Variants in KCNIP4 observed in about 807,000 individuals in gnomAD.
KCNIP4 encodes Kv channel-interacting protein 4.
In KCNIP4, 12 loss-of-function variants were observed where a neutral mutation model predicts 34.0. The observed-to-expected ratio is 0.35, with a 90% confidence interval of 0.23 to 0.57. KCNIP4 has a LOEUF of 0.57. KCNIP4 is among the 20% of genes least tolerant of loss of function. KCNIP4 has a pLI of 0.83. For missense variants in KCNIP4, 238 were observed against 311.7 expected, an observed-to-expected ratio of 0.76 and a Z score of 1.78; for synonymous variants, 124 against 102.2, an observed-to-expected ratio of 1.21 and a Z score of -1.29.
intron 1 of KCNIP4, among the ~76,000 whole-genome samples, chr4:21,652,430 TG>T (rs1239521824): frequency 2.0e-5 from 3 of 151,850 alleles, no homozygotes; most frequent in African/African-American, 7.3e-5. Context: ...AGGTGGGAGG[TG>T]GAACACCCAC....
intron 1 of KCNIP4, among the ~76,000 whole-genome samples, chr4:21,928,922 C>A (rs1729415078): frequency 6.6e-6 from 1 of 151,936 alleles, no homozygotes; most frequent in Admixed American, 6.6e-5. Flanking sequence ...TATCTACAAA[C>A]TGAGGGTATA....
chr4:21,948,055 A>C (rs1730600551), intron 1 of KCNIP4, among the ~76,000 whole-genome samples: 2 of 152,232 alleles, frequency 1.3e-5, no homozygotes, highest in Non-Finnish European at 2.9e-5. Context: ...CTAGCCATAA[A>C]ACAAGCCATA....
chr4:21,913,950 T>C (rs566042225), intron 1 of KCNIP4, among the ~76,000 whole-genome samples: 2 of 151,974 alleles, frequency 1.3e-5, no homozygotes, highest in South Asian at 4.2e-4. Context: ...TGTAGGAAAG[T>C]GGATGTAGAG....
chr4:21,303,314 C>T (rs1276434643), intron 1 of KCNIP4, among the ~76,000 whole-genome samples: 1 of 152,158 alleles, frequency 6.6e-6, no homozygotes, highest in African/African-American at 2.4e-5. Flanking sequence ...AAACACTTCT[C>T]CAGAAGACTT....
chr4:20,774,878 G>C (rs1756239365), intron 3 of KCNIP4, among the ~76,000 whole-genome samples: 2 of 152,112 alleles, frequency 1.3e-5, no homozygotes, highest in Admixed American at 1.3e-4. Flanking sequence ...TAAGAATCAA[G>C]GTCTTTGCCA....
At chr4:21,465,110 G>C (rs1030545027) in intron 1 of KCNIP4, among the ~76,000 whole-genome samples, 1 of 151,762 alleles carries the variant, frequency 6.6e-6, no homozygotes, top group Non-Finnish European at 1.5e-5. Context: ...AGTATAAATA[G>C]AAGAAGAACA....
At chr4:21,169,964 G>A (rs1753900329) in intron 1 of KCNIP4, among the ~76,000 whole-genome samples, 1 of 152,052 alleles carries the variant, frequency 6.6e-6, no homozygotes, top group Non-Finnish European at 1.5e-5. Flanking sequence ...TACCAAAGAA[G>A]AACACTCCTA....
At chr4:20,833,119 T>C (rs1198698100) in intron 3 of KCNIP4, among the ~76,000 whole-genome samples, 1 of 152,218 alleles carries the variant, frequency 6.6e-6, no homozygotes, top group African/African-American at 2.4e-5. Flanking sequence ...ATGATAATAT[T>C]TCTCTTCATG....
chr4:21,779,412 T>C (rs943014958), intron 1 of KCNIP4, among the ~76,000 whole-genome samples: 9 of 152,046 alleles, frequency 5.9e-5, no homozygotes, highest in African/African-American at 2.2e-4. Context: ...TATTTGAAAA[T>C]TGATGAGAGA....
intron 8 of KCNIP4, among the ~76,000 whole-genome samples, chr4:20,730,550 G>C (rs1747814544): frequency 6.6e-6 from 1 of 151,950 alleles, no homozygotes; most frequent in African/African-American, 2.4e-5. Flanking sequence ...TGAGCCAGCA[G>C]TTCATGAAGA....
At chr4:21,178,466 T>C (rs1754595725) in intron 1 of KCNIP4, among the ~76,000 whole-genome samples, 2 of 151,884 alleles carry the variant, frequency 1.3e-5, no homozygotes, top group South Asian at 2.1e-4. Context: ...ATGAAGGTAG[T>C]GGATTCACAG....
chr4:20,997,614 T>G (rs1737676124), intron 1 of KCNIP4, among the ~76,000 whole-genome samples: 1 of 152,144 alleles, frequency 6.6e-6, no homozygotes, highest in African/African-American at 2.4e-5. Context: ...AGCAGGAACT[T>G]GCTGACCTCT....
At chr4:20,894,277 G>C (rs1307668440) in intron 1 of KCNIP4, among the ~76,000 whole-genome samples, 1 of 152,200 alleles carries the variant, frequency 6.6e-6, no homozygotes, top group East Asian at 1.9e-4. Flanking sequence ...GAGTAAGGTT[G>C]ATTCTTCTGA....
intron 1 of KCNIP4, among the ~76,000 whole-genome samples, chr4:21,105,606 G>T (rs1359670964): frequency 1.3e-5 from 2 of 151,494 alleles, no homozygotes; most frequent in Admixed American, 6.6e-5. Context: ...CTGCCTAATT[G>T]CCCTGGCCAG....
At chr4:20,858,912 A>T (rs1348209054) in intron 2 of KCNIP4, among the ~76,000 whole-genome samples, 1 of 152,220 alleles carries the variant, frequency 6.6e-6, no homozygotes, top group Non-Finnish European at 1.5e-5. Context: ...CATACAGCTT[A>T]CAAGTGACAG....
chr4:21,653,784 G>A (rs1188559502), intron 1 of KCNIP4, among the ~76,000 whole-genome samples: 1 of 152,206 alleles, frequency 6.6e-6, no homozygotes, highest in Non-Finnish European at 1.5e-5. Context: ...TTACTTGCCT[G>A]TGGTAACAAA....
intron 1 of KCNIP4, among the ~76,000 whole-genome samples, chr4:21,632,096 TG>T (rs1745806004): frequency 6.6e-6 from 1 of 152,248 alleles, no homozygotes. Context: ...TTTATATCCC[TG>T]GTTGCTTATG....
intron 1 of KCNIP4, among the ~76,000 whole-genome samples, chr4:20,970,184 AC>A (rs1734791135): frequency 6.6e-6 from 1 of 151,942 alleles, no homozygotes; most frequent in Admixed American, 6.6e-5. Flanking sequence ...CTCGTGATCC[AC>A]CCACCTCGGC....
intron 1 of KCNIP4, among the ~76,000 whole-genome samples, chr4:20,981,017 A>C (rs75767203): frequency 6.6e-6 from 1 of 152,070 alleles, no homozygotes; most frequent in Non-Finnish European, 1.5e-5. Context: ...CCTTTACTTG[A>C]CTACTGATCA....
Sources: allele counts gnomAD v4.1 joint callset (sites outside exome capture counted in the v4.1 genomes callset), GRCh38; gene constraint gnomAD v4.1.1; transcripts MANE v1.5; gene names NCBI Gene and HGNC (gene_info 2026-07-23, HGNC 2026-07-21).